Variants in PCNX1 observed in about 807,000 individuals in gnomAD.
PCNX1 encodes pecanex-like protein 1.
In PCNX1, 78 loss-of-function variants were observed where a neutral mutation model predicts 242.2. The observed-to-expected ratio is 0.32, with a 90% CI of 0.27 to 0.39. PCNX1 has a LOEUF of 0.39. Among genes scored for constraint, PCNX1 ranks in the 10% least tolerant of loss-of-function variants. The pLI is 1.00. For missense variants in PCNX1, 2,581 were observed against 2,856.5 expected (o/e 0.90, Z 2.20); for synonymous variants, 1,024 against 1,032.9 (o/e 0.99, Z 0.17).
At chr14:70,983,227 C>G (rs975241893) in intron 6 of PCNX1, among the ~76,000 whole-genome samples, 3 of 152,170 alleles carry the variant, frequency 2.0e-5, no homozygotes, top group African/African-American at 7.2e-5. Context: ...AATACTTAAG[C>G]TATATTTGTT....
intron 1 of PCNX1, among the ~76,000 whole-genome samples, chr14:70,910,260 A>C (rs183457272): frequency 2.9e-5 from 2 of 68,876 alleles, no homozygotes; most frequent in African/African-American, 1.1e-4. Flanking sequence ...CACGGCCATC[A>C]GGCCATCATC....
intron 12 of PCNX1, among the ~76,000 whole-genome samples, chr14:71,021,193 G>A (rs533262381): frequency 1.1e-4 from 16 of 152,180 alleles, no homozygotes; most frequent in South Asian, 2.1e-4. Flanking sequence ...GTCAGGTAGC[G>A]TGATGCCTCC....
At chr14:71,044,399 T>A (rs1485153838) in intron 19 of PCNX1, 1 of 152,308 alleles carries the variant, frequency 6.6e-6, no homozygotes, top group Non-Finnish European at 1.5e-5. Flanking sequence ...CCAGTATGAA[T>A]CAGGATATGG....
chr14:71,058,269 A>G (rs530929057), intron 26 of PCNX1, among the ~76,000 whole-genome samples: 1 of 152,334 alleles, frequency 6.6e-6, no homozygotes, highest in South Asian at 2.1e-4. Flanking sequence ...AAGCATTTTC[A>G]TCACTCCAAA....
chr14:71,062,158 A>G (rs1447925613), intron 26 of PCNX1, among the ~76,000 whole-genome samples: 2 of 152,172 alleles, frequency 1.3e-5, no homozygotes, highest in Admixed American at 6.6e-5. Flanking sequence ...TAATTTTTCA[A>G]AGAGTGATAC....
chr14:71,028,934 C>T (rs556725399), intron 16 of PCNX1, 143 bp downstream of exon 16: 5 of 507,132 alleles, frequency 9.9e-6, no homozygotes, highest in Admixed American at 7.9e-5. Flanking sequence ...ACATTATTCT[C>T]ATTCTCAACT....
chr14:70,907,808 ACGGCGG>A lies in PCNX1; in HGVS notation c.-28_-23del, dbSNP rs749537800. ...AGGCCGAGCTGGGGCCGGGGCGGGGACGGCGGCGGCGGCGGCGGCGACGGCGGCGGC... is the reference window on the plus strand; with the variant it reads ...AGGCCGAGCTGGGGCCGGGGCGGGGACGGCGGCGGCGGCGACGGCGGCGGC... On this transcript the variant is annotated 5_prime_UTR_variant, in exon 1 of 36. Coordinates refer to ENST00000304743, the MANE Select transcript of PCNX1 (RefSeq NM_014982.3). The A allele has an allele frequency of 1.3e-4, 159 of 1,216,838 alleles. No individual in the cohort carries two copies. The highest frequency in any genetic ancestry group is 6.6e-4 in the Middle Eastern group (2 of 3,020). The allele number at this position is 1,216,838 out of a possible 1,614,324, so 75.4% of individuals were successfully genotyped here. A position where few individuals can be genotyped will look rare whatever the true frequency, so the allele number is the denominator to read the frequency against.
intron 1 of PCNX1, among the ~76,000 whole-genome samples, chr14:70,943,906 T>C (rs1353892958): frequency 6.6e-6 from 1 of 152,166 alleles, no homozygotes; most frequent in African/African-American, 2.4e-5. Context: ...CATCAAGCAT[T>C]GGTGCCTTAC....
rs554251159 is a variant in PCNX1 at position 71,009,080 on chromosome 14, G to C, written c.2630-554G>C. On this transcript the variant is annotated intron_variant, in intron 8 of 35. Coordinates refer to ENST00000304743, the MANE Select transcript of PCNX1 (RefSeq NM_014982.3). ...CTAAATTTTTCATAGCGCTCTTGTG[G>C]TAGAAACATACAACAAATAATGTTC... is the stretch of plus-strand genomic sequence containing the variant. Among the ~76,000 whole-genome samples, 13 of 152,200 alleles carry C rather than the reference G, an allele frequency of 8.5e-5. 1 individual carries two copies. In the South Asian group the frequency reaches 2.7e-3, roughly 32 times the overall value.
At chr14:71,057,315 C>T (rs2061209508) in intron 25 of PCNX1, among the ~76,000 whole-genome samples, 194 bp from the exon 26 acceptor site, 1 of 152,194 alleles carries the variant, frequency 6.6e-6, no homozygotes, top group Non-Finnish European at 1.5e-5. Context: ...GGTTATGTGA[C>T]TTCTAAATCT....
At chr14:70,910,284 G>C (rs969386394) in intron 1 of PCNX1, among the ~76,000 whole-genome samples, 3 of 127,130 alleles carry the variant, frequency 2.4e-5, no homozygotes, top group African/African-American at 9.0e-5. Flanking sequence ...CCCTTGGTTC[G>C]TCACCATTCT....
In PCNX1 at chr14:70,977,293, C is replaced by A. The variant is rs145390801; in HGVS notation, c.956C>A (p.Ser319Tyr). Residue 319 changes from serine (S) to tyrosine (Y), a missense_variant, in exon 6 of 36, where the codon TCC becomes TAC. By Grantham distance (144) the Ser-to-Tyr change is moderately radical. Around this residue, in one of 9 missense-constraint regions of PCNX1, gnomAD observed 1,204 missense variants for 1,216.7 expected, o/e 0.99. Coordinates refer to ENST00000304743, the MANE Select transcript of PCNX1 (RefSeq NM_014982.3). ...GLDPVSELESSKPLSGSKESL... is the reference protein window; with the variant it reads ...GLDPVSELESYKPLSGSKESL... ...GATCCAGTTAGTGAGTTAGAATCTTCCAAGCCTCTTTCTGGATCCAAAGAA... is the reference window on the plus strand; with the variant it reads ...GATCCAGTTAGTGAGTTAGAATCTTACAAGCCTCTTTCTGGATCCAAAGAA... The A allele has an allele frequency of 2.5e-6, 4 of 1,614,110 alleles. No homozygotes were observed. In the African/African-American group the frequency reaches 4.0e-5, roughly 16 times the overall value.
At chr14:70,918,882 TG>T (rs1168512053) in intron 1 of PCNX1, among the ~76,000 whole-genome samples, 103 of 100,416 alleles carry the variant, frequency 1.0e-3, no homozygotes, top group East Asian at 4.6e-3. Flanking sequence ...GGTGGTTTTT[TG>T]GTTTTTTTTT....
chr14:71,032,519 A>G (rs2060417113), intron 16 of PCNX1, among the ~76,000 whole-genome samples: 2 of 152,192 alleles, frequency 1.3e-5, no homozygotes, highest in African/African-American at 2.4e-5. Context: ...ACAGTGTTCA[A>G]TATGATGATA....
intron 2 of PCNX1, among the ~76,000 whole-genome samples, chr14:70,956,353 G>C (rs71425386): frequency 0.12 from 17,761 of 151,926 alleles, 1,152 homozygotes; most frequent in Admixed American, 0.19. Context: ...GACCAGCCTG[G>C]ATAATACAGT....
chr14:70,976,535 G>A, intron 5 of PCNX1, among the ~76,000 whole-genome samples: 1 of 152,114 alleles, frequency 6.6e-6, no homozygotes, highest in East Asian at 1.9e-4. Context: ...ACCACGCCCG[G>A]CTAATTTTTT....
intron 5 of PCNX1, among the ~76,000 whole-genome samples, chr14:70,976,172 G>A (rs1262881752): frequency 6.6e-6 from 1 of 152,096 alleles, no homozygotes; most frequent in Non-Finnish European, 1.5e-5. Flanking sequence ...TGACGGCATT[G>A]TGTCAAGCAA....
intron 5 of PCNX1, among the ~76,000 whole-genome samples, chr14:70,976,044 G>A (rs1407827847): frequency 1.3e-5 from 2 of 151,916 alleles, no homozygotes; most frequent in Admixed American, 6.6e-5. Context: ...GCCTATTTTC[G>A]TTTGTTTGTT....
At chr14:71,052,626 T>G (rs572770125) in intron 24 of PCNX1, among the ~76,000 whole-genome samples, 16 of 152,328 alleles carry the variant, frequency 1.1e-4, no homozygotes, top group African/African-American at 3.8e-4. Flanking sequence ...ACTCTGCAAC[T>G]TTATGCTATA....
Sources: allele counts gnomAD v4.1 joint callset (sites outside exome capture counted in the v4.1 genomes callset), GRCh38; gene constraint gnomAD v4.1.1; regional missense constraint gnomAD v4.1.1; transcripts MANE v1.5; gene names NCBI Gene and HGNC (gene_info 2026-07-23, HGNC 2026-07-21).